Variants in FHIT observed in about 807,000 individuals in gnomAD.
FHIT encodes the protein fragile histidine triad diadenosine triphosphatase.
In FHIT, 19 loss-of-function variants were observed where a neutral mutation model predicts 17.9. That is an observed-to-expected ratio of 1.06 (90% CI 0.74 to 1.56). FHIT has a LOEUF of 1.56. FHIT is among the 40% of genes most tolerant of loss of function. The pLI is 0.00. For synonymous variants in FHIT, 81 were observed against 69.7 expected, an observed-to-expected ratio of 1.16 and a Z score of -0.81; for missense variants, 248 against 189.2, an observed-to-expected ratio of 1.31 and a Z score of -1.82.
intron 3 of FHIT, among the ~76,000 whole-genome samples, chr3:60,969,761 A>G (rs773394678): frequency 6.6e-6 from 1 of 152,202 alleles, no homozygotes; most frequent in Non-Finnish European, 1.5e-5. Flanking sequence ...TATATTTACT[A>G]AATCTTTAAA....
chr3:60,723,758 T>C (rs569366472), intron 4 of FHIT, among the ~76,000 whole-genome samples: 55 of 152,294 alleles, frequency 3.6e-4, no homozygotes, highest in Admixed American at 2.6e-3. Flanking sequence ...GGAGTCCTCC[T>C]AGAGATTTAC....
chr3:60,053,426 AATGG>A (rs1343400308), intron 5 of FHIT, among the ~76,000 whole-genome samples: 4 of 149,808 alleles, frequency 2.7e-5, no homozygotes, highest in Admixed American at 6.8e-5. Context: ...TTTATCATAT[AATGG>A]AAATCTTAAG....
At chr3:59,899,713 G>T (rs1704238472) in intron 8 of FHIT, among the ~76,000 whole-genome samples, 2 of 152,032 alleles carry the variant, frequency 1.3e-5, no homozygotes, top group South Asian at 4.1e-4. Flanking sequence ...GGGTATGGCA[G>T]CATACGCCTG....
At chr3:60,516,492 C>G (rs1272852674) in intron 5 of FHIT, among the ~76,000 whole-genome samples, 1 of 152,070 alleles carries the variant, frequency 6.6e-6, no homozygotes, top group Non-Finnish European at 1.5e-5. Context: ...CTTCCGGGGC[C>G]CCAGGACCAC....
At chr3:60,907,342 C>T (rs553879895) in intron 3 of FHIT, among the ~76,000 whole-genome samples, 2 of 152,092 alleles carry the variant, frequency 1.3e-5, no homozygotes, top group East Asian at 1.9e-4. Flanking sequence ...ATCACTGGGT[C>T]GGAATCTTCA....
rs1491191610 is a variant in FHIT, at chr3:59,986,710, A to ATATATAAATATATT, written c.279+24660_279+24661insAATATATTTATATA. ...TTTAGTTTTATATATATTTATATAA[A>ATATATAAATATATT]TATATACATATATTTATATAAATAT... On this transcript the variant is annotated intron_variant, in intron 7 of 9. Coordinates refer to ENST00000492590, the MANE Select transcript of FHIT (RefSeq NM_002012.4). Among the ~76,000 whole-genome samples, 38 of 23,060 alleles carry ATATATAAATATATT rather than the reference A, an allele frequency of 1.6e-3. 6 individuals carry two copies. Among genetic ancestry groups the ATATATAAATATATT allele is most frequent in the South Asian group, 4.0e-3 (4 of 1,006 alleles). The allele number at this position is 23,060 out of a possible 152,430, so 15.1% of individuals were successfully genotyped here.
At chr3:61,087,066 C>T (rs2035328264) in intron 2 of FHIT, among the ~76,000 whole-genome samples, 1 of 152,160 alleles carries the variant, frequency 6.6e-6, no homozygotes, top group East Asian at 1.9e-4. Flanking sequence ...CTGATCTTCA[C>T]ATGCCTGCCT....
At chr3:59,882,751 C>T (rs1703462960) in intron 8 of FHIT, among the ~76,000 whole-genome samples, 1 of 152,174 alleles carries the variant, frequency 6.6e-6, no homozygotes, top group African/African-American at 2.4e-5. Context: ...CATATGACAC[C>T]TAACACCTTG....
At chr3:61,000,572 C>T (rs753076328) in intron 3 of FHIT, among the ~76,000 whole-genome samples, 1 of 152,010 alleles carries the variant, frequency 6.6e-6, no homozygotes, top group Non-Finnish European at 1.5e-5. Flanking sequence ...TTTCTCTACT[C>T]CTTCCCTCTA....
rs1480318756 is a variant in FHIT, at chr3:60,785,930, C to CAGAGAGAG, written c.-18+35988_-18+35989insCTCTCTCT. ...ACACACACACACACACACACACACA[C>CAGAGAGAG]ACACAGAGAGAGTACTTTTCAAGAT... On this transcript the variant is annotated intron_variant, in intron 4 of 9. Transcript: ENST00000492590. Among the ~76,000 whole-genome samples, 549 of 119,900 alleles carry CAGAGAGAG rather than the reference C, an allele frequency of 4.6e-3. 6 individuals are homozygous for CAGAGAGAG. Among genetic ancestry groups the CAGAGAGAG allele is most frequent in the African/African-American group, 0.016 (515 of 31,770 alleles). The allele number at this position is 119,900 out of a possible 152,430, so 78.7% of individuals were successfully genotyped here. A position where few individuals can be genotyped will look rare whatever the true frequency, so the allele number is the denominator to read the frequency against.
At chr3:60,695,985 A>G (rs2041105800) in intron 4 of FHIT, among the ~76,000 whole-genome samples, 1 of 152,174 alleles carries the variant, frequency 6.6e-6, no homozygotes, top group Non-Finnish European at 1.5e-5. Context: ...TGTACGGAGG[A>G]ATGGAGATAA....
intron 5 of FHIT, among the ~76,000 whole-genome samples, chr3:60,119,509 A>G (rs1705149063): frequency 6.6e-6 from 1 of 152,212 alleles, no homozygotes; most frequent in Non-Finnish European, 1.5e-5. Flanking sequence ...CTTACAACTA[A>G]CAGCATTATA....
chr3:60,177,728 T>C (rs1376620055), intron 5 of FHIT, among the ~76,000 whole-genome samples: 1 of 152,224 alleles, frequency 6.6e-6, no homozygotes, highest in Non-Finnish European at 1.5e-5. Context: ...CCAAACCTAG[T>C]GATATGATCA....
chr3:59,783,995 G>T (rs1483639236), intron 8 of FHIT, among the ~76,000 whole-genome samples: 2 of 152,324 alleles, frequency 1.3e-5, no homozygotes, highest in East Asian at 3.9e-4. Flanking sequence ...GGGGAGGAGA[G>T]TGGGGACCGA....
At chr3:61,206,524 G>C (rs1482664046) in intron 1 of FHIT, among the ~76,000 whole-genome samples, 1 of 152,110 alleles carries the variant, frequency 6.6e-6, no homozygotes, top group Non-Finnish European at 1.5e-5. Flanking sequence ...TCCTTGAAGA[G>C]GTCCTTCCCC....
intron 3 of FHIT, among the ~76,000 whole-genome samples, chr3:60,863,921 T>C (rs1184828136): frequency 6.6e-6 from 1 of 152,172 alleles, no homozygotes; most frequent in African/African-American, 2.4e-5. Flanking sequence ...TATTAGTCCA[T>C]TTTCATACTG....
At chr3:59,904,832 G>A (rs1704512650) in intron 8 of FHIT, among the ~76,000 whole-genome samples, 1 of 152,200 alleles carries the variant, frequency 6.6e-6, no homozygotes, top group Admixed American at 6.5e-5. Flanking sequence ...TGGGCCTGGG[G>A]CCTTTTCCAG....
chr3:60,917,973 ATC>A (rs1553767437), intron 3 of FHIT, among the ~76,000 whole-genome samples: 3 of 152,200 alleles, frequency 2.0e-5, no homozygotes, highest in Non-Finnish European at 4.4e-5. Flanking sequence ...CCTAAATCTC[ATC>A]TTGAATTGTA....
chr3:60,709,361 G>A (rs1577096483), intron 4 of FHIT, among the ~76,000 whole-genome samples: 1 of 152,158 alleles, frequency 6.6e-6, no homozygotes, highest in African/African-American at 2.4e-5. Context: ...GGGTTGAAGT[G>A]TGCCAAGAAA....
Sources: gnomAD v4.1 joint callset for allele counts (sites outside exome capture counted in the v4.1 genomes callset) on GRCh38, gnomAD v4.1.1 for gene constraint, MANE v1.5 for transcripts, NCBI Gene and HGNC (gene_info 2026-07-23, HGNC 2026-07-21) for gene names.